The following MAST4 variants were observed in gnomAD, a reference collection of about 807,000 sequenced individuals.
The protein encoded by MAST4 is microtubule-associated serine/threonine-protein kinase 4.
MAST4 carries 89 observed loss-of-function variants against 162.7 expected under a neutral mutation model. The ratio of observed to expected loss-of-function variants is 0.55; its 90% confidence interval spans 0.46 to 0.65. MAST4 has a LOEUF of 0.65. Among genes scored for constraint, MAST4 ranks in the 30% least tolerant of loss-of-function variants. The pLI, the probability that MAST4 is intolerant of heterozygous loss-of-function variation, is 0.00. For synonymous variants in MAST4, 1,479 were observed against 1,361.1 expected (o/e 1.09, Z -1.91); for missense variants, 3,153 against 3,374.0 (o/e 0.93, Z 1.62).
intron 5 of MAST4, among the ~76,000 whole-genome samples, chr5:67,062,359 C>T (rs1759727772): frequency 1.3e-5 from 2 of 152,060 alleles, no homozygotes; most frequent in Admixed American, 6.5e-5. Context: ...GATCACGCCA[C>T]TGCACTCCAG....
At chr5:66,987,266 T>C (rs1037043766) in intron 4 of MAST4, among the ~76,000 whole-genome samples, 1 of 152,182 alleles carries the variant, frequency 6.6e-6, no homozygotes, top group African/African-American at 2.4e-5. Flanking sequence ...AGTCACACTT[T>C]TACAGTTGAT....
intron 1 of MAST4, among the ~76,000 whole-genome samples, chr5:66,753,455 A>G (rs1346912387): frequency 6.6e-6 from 1 of 151,832 alleles, no homozygotes; most frequent in African/African-American, 2.4e-5. Flanking sequence ...GCAATAAAAA[A>G]TGATAAAGGG....
chr5:67,054,431 A>G lies in MAST4; in HGVS notation c.702A>G (p.Leu234=). The G allele has an allele frequency of 6.2e-7, 1 of 1,609,558 alleles. No homozygotes were observed. The highest frequency in any genetic ancestry group is 8.5e-7 in the Non-Finnish European group (1 of 1,178,010). ...GCCGAACAAGCAACCGGAAAAGCTT[A>G]ATAGGCAATGGGCAGTCACCAGCAT... The part of the protein sequence containing the change: ...SFCRTSNRKS[L]IGNGQSPALP... The change falls in exon 5 of 29, where the codon TTA becomes TTG. Residue 234 remains leucine, a synonymous_variant. Coordinates refer to ENST00000403625, the MANE Select transcript of MAST4 (RefSeq NM_001164664.2).
chr5:66,627,791 G>A (rs1744535743), intron 1 of MAST4, among the ~76,000 whole-genome samples: 1 of 151,776 alleles, frequency 6.6e-6, no homozygotes, highest in African/African-American at 2.4e-5. Flanking sequence ...TTTATTCCCA[G>A]TTAAGTCATG....
intron 4 of MAST4, among the ~76,000 whole-genome samples, chr5:66,973,982 C>T (rs1747796059): frequency 1.3e-5 from 2 of 152,084 alleles, no homozygotes; most frequent in African/African-American, 4.8e-5. Context: ...CTTTGAGCAC[C>T]TCCTCACTTT....
intron 3 of MAST4, among the ~76,000 whole-genome samples, chr5:66,806,935 C>T (rs1237993760): frequency 4.6e-5 from 7 of 152,168 alleles, no homozygotes; most frequent in Admixed American, 3.3e-4. Context: ...CATAATCTGG[C>T]AGTGGAACTC....
In MAST4 at chr5:67,157,500, A is replaced by G. The variant is rs1772676485; in HGVS notation, c.3649-2956A>G. ...TTATATGTGTCTCATACAATTTTATATGTTTATGGCTCCTTCATTTTATCT... is the reference window on the plus strand; with the variant it reads ...TTATATGTGTCTCATACAATTTTATGTGTTTATGGCTCCTTCATTTTATCT... On this transcript the variant is annotated intron_variant, in intron 26 of 28. Coordinates refer to ENST00000403625, the MANE Select transcript of MAST4 (RefSeq NM_001164664.2). Among the ~76,000 whole-genome samples, 3 of 152,196 alleles carry G rather than the reference A, an allele frequency of 2.0e-5. No homozygotes were observed. In the South Asian group the frequency reaches 6.2e-4, roughly 32 times the overall value.
chr5:67,116,495 C>T (rs1444849733), intron 12 of MAST4, among the ~76,000 whole-genome samples: 4 of 151,790 alleles, frequency 2.6e-5, no homozygotes, highest in Admixed American at 6.6e-5. Flanking sequence ...CGTGAGCCAC[C>T]GCACCTGGCC....
chr5:66,835,598 A>T (rs1757910152), intron 3 of MAST4, among the ~76,000 whole-genome samples: 2 of 152,220 alleles, frequency 1.3e-5, no homozygotes, highest in Non-Finnish European at 2.9e-5. Flanking sequence ...AATAAACTAG[A>T]TAAACTATAA....
At chr5:67,097,229 A>G (rs1581546986) in intron 7 of MAST4, among the ~76,000 whole-genome samples, 2 of 152,268 alleles carry the variant, frequency 1.3e-5, no homozygotes, top group Admixed American at 1.3e-4. Context: ...ATAAAATCAG[A>G]CCCTGTTTGG....
chr5:66,708,202 T>C (rs1750263639), intron 1 of MAST4, among the ~76,000 whole-genome samples: 1 of 152,054 alleles, frequency 6.6e-6, no homozygotes, highest in Non-Finnish European at 1.5e-5. Flanking sequence ...GCGGAAAGAG[T>C]GCGGGACTTG....
intron 8 of MAST4, among the ~76,000 whole-genome samples, chr5:67,100,822 C>T (rs1007130629): frequency 2.6e-5 from 4 of 152,124 alleles, no homozygotes; most frequent in African/African-American, 4.8e-5. Context: ...GTAGTAATCA[C>T]GATGGTCTTG....
chr5:66,977,028 C>T (rs1748227243), intron 4 of MAST4, among the ~76,000 whole-genome samples: 1 of 152,140 alleles, frequency 6.6e-6, no homozygotes, highest in Admixed American at 6.5e-5. Flanking sequence ...ATCTCTGTGG[C>T]ATTGGGGTGT....
At chr5:66,837,800 A>G (rs539228949) in intron 3 of MAST4, among the ~76,000 whole-genome samples, 1 of 149,224 alleles carries the variant, frequency 6.7e-6, no homozygotes, top group Non-Finnish European at 1.5e-5. Flanking sequence ...AAGGTTTGAC[A>G]GCCTTTAAAA....
At chr5:66,770,083 T>C (rs1207414994) in intron 2 of MAST4, among the ~76,000 whole-genome samples, 1 of 152,254 alleles carries the variant, frequency 6.6e-6, no homozygotes, top group East Asian at 1.9e-4. Context: ...TAATAGCTTA[T>C]GAAGCTGAAG....
At chr5:66,795,527 C>G (rs988143917) in intron 3 of MAST4, among the ~76,000 whole-genome samples, 4 of 152,176 alleles carry the variant, frequency 2.6e-5, no homozygotes, top group African/African-American at 9.7e-5. Context: ...AAGTGCATCT[C>G]ACTATACCCT....
chr5:66,994,571 T>G (rs534676432), intron 4 of MAST4, among the ~76,000 whole-genome samples: 5 of 152,346 alleles, frequency 3.3e-5, no homozygotes, highest in African/African-American at 1.2e-4. Flanking sequence ...TGAAAGTTTT[T>G]TGATCACCAG....
chr5:66,848,824 A>G (rs1759085179), intron 3 of MAST4, among the ~76,000 whole-genome samples: 1 of 152,178 alleles, frequency 6.6e-6, no homozygotes, highest in Non-Finnish European at 1.5e-5. Flanking sequence ...CCCTCTTGCC[A>G]GACCACATGT....
chr5:66,910,741 C>CTTTGTTTTTTTTTTTTTTTTT (rs1763690763), intron 4 of MAST4, among the ~76,000 whole-genome samples: 15 of 20,098 alleles, frequency 7.5e-4, no homozygotes, highest in Admixed American at 3.9e-3. Context: ...TTTTTTTTTT[C>CTTTGTTTTTTTTTTTTTTTTT]TTTTTTTTTT....
Sources: gnomAD v4.1 joint callset for allele counts (sites outside exome capture counted in the v4.1 genomes callset) on GRCh38, gnomAD v4.1.1 for gene constraint, MANE v1.5 for transcripts, NCBI Gene and HGNC (gene_info 2026-07-23, HGNC 2026-07-21) for gene names.